The following CYFIP1 variants were observed in gnomAD, a reference collection of about 807,000 sequenced individuals.
The protein encoded by CYFIP1 is cytoplasmic FMR1-interacting protein 1.
In CYFIP1, 58 loss-of-function variants were observed where a neutral mutation model predicts 163.5. The ratio of observed to expected loss-of-function variants is 0.35; its 90% CI spans 0.29 to 0.44. The LOEUF (loss-of-function observed/expected upper bound fraction) is 0.44, where lower values mean the gene tolerates loss of function less well. Among genes scored for constraint, CYFIP1 ranks in the 20% least tolerant of loss-of-function variants. The pLI is 1.00. For missense variants in CYFIP1, 1,338 were observed against 1,653.8 expected (o/e 0.81, Z 3.31); for synonymous variants, 663 against 660.7 (o/e 1.00, Z -0.05).
Position 22,944,406 on chromosome 15 carries a change from T to C in CYFIP1, c.387+152A>G, listed in dbSNP as rs987086851. ...CGAAAGGGCATGAGGAACTTTAGACTGTCAAAGGCTTGGTCCCTTTTGTCT... is the reference window on the plus strand; with the variant it reads ...CGAAAGGGCATGAGGAACTTTAGACCGTCAAAGGCTTGGTCCCTTTTGTCT... On this transcript the variant is annotated intron_variant, in intron 5 of 30. Coordinates refer to ENST00000617928, the MANE Select transcript of CYFIP1 (RefSeq NM_014608.6). 4.9e-5 allele frequency: 30 copies of C among 608,302 alleles called. No individual in the cohort carries two copies. In the Admixed American group the frequency reaches 8.8e-4, roughly 18 times the overall value. 37.7% of individuals were successfully genotyped at this position (608,302 alleles called of 1,614,324 possible). A position where few individuals can be genotyped will look rare whatever the true frequency, so the allele number is the denominator to read the frequency against.
intron 23 of CYFIP1, among the ~76,000 whole-genome samples, chr15:22,886,097 AAG>A (rs765131886): frequency 6.6e-6 from 1 of 152,114 alleles, no homozygotes; most frequent in African/African-American, 2.4e-5. Context: ...CAGGAATGAG[AAG>A]AGAGAGCAAG....
intron 10 of CYFIP1, 52 bp from the exon 11 acceptor site, chr15:22,932,392 A>T: frequency 7.4e-7 from 1 of 1,356,964 alleles, no homozygotes; most frequent in Non-Finnish European, 1.0e-6. Flanking sequence ...GGCAGGCCAC[A>T]GCACTGGGGC....
In CYFIP1 at chr15:22,928,018, C is replaced by G. The variant is rs1465314623; in HGVS notation, c.1121G>C (p.Gly374Ala). The change falls in exon 12 of 31, where the codon GGC becomes GCC. Residue 374 changes from glycine to alanine, a missense_variant. Coordinates refer to ENST00000617928, the MANE Select transcript of CYFIP1 (RefSeq NM_014608.6). The part of the protein sequence containing the change: ...ARYSNSEVVT[G>A]SGRQEAQKTD... ...CTTCTGGGCCTCCTGGCGGCCCGAG[C>G]CCGTGACCACCTGCACAAGGCGGGC... 7 of 1,562,432 alleles carry G rather than the reference C, an allele frequency of 4.5e-6. No homozygotes were observed. The highest frequency in any genetic ancestry group is 6.0e-6 in the Non-Finnish European group (7 of 1,158,688).
At chr15:22,932,180 G>T in intron 11 of CYFIP1, 43 bp downstream of exon 11, 1 of 1,459,140 alleles carries the variant, frequency 6.9e-7, no homozygotes, top group Non-Finnish European at 9.4e-7. Flanking sequence ...ACACACACAG[G>T]CGACCCTCGG....
chr15:22,948,809 A>AG (rs1491137442), intron 1 of CYFIP1, among the ~76,000 whole-genome samples: 2 of 6,558 alleles, frequency 3.0e-4, no homozygotes, highest in East Asian at 0.02. Flanking sequence ...ACTGAAATGT[A>AG]AAAAAAAAAA....
chr15:22,895,037 CAG>C (rs1360867964), intron 22 of CYFIP1, among the ~76,000 whole-genome samples: 4 of 145,724 alleles, frequency 2.7e-5, no homozygotes, highest in African/African-American at 7.6e-5. Context: ...TTTTTTTAGA[CAG>C]AGTCTTGCTC....
chr15:22,888,774 G>A (rs958551928), intron 23 of CYFIP1, among the ~76,000 whole-genome samples: 2 of 151,994 alleles, frequency 1.3e-5, no homozygotes, highest in African/African-American at 4.8e-5. Flanking sequence ...AGGCACAGTG[G>A]CTCACGCCTT....
intron 1 of CYFIP1, among the ~76,000 whole-genome samples, chr15:22,970,450 T>G (rs1216423648): frequency 6.6e-6 from 1 of 152,164 alleles, no homozygotes; most frequent in Non-Finnish European, 1.5e-5. Flanking sequence ...CATTTTAAAA[T>G]TCATAGGAAT....
intron 17 of CYFIP1, among the ~76,000 whole-genome samples, chr15:22,913,595 T>C (rs1190820116): frequency 2.4e-5 from 1 of 41,446 alleles, no homozygotes; most frequent in Non-Finnish European, 4.8e-5. Flanking sequence ...CGGAAGTACA[T>C]AGACAGCATT....
intron 22 of CYFIP1, among the ~76,000 whole-genome samples, chr15:22,897,441 G>A (rs1368165846): frequency 6.6e-6 from 1 of 151,718 alleles, no homozygotes; most frequent in Non-Finnish European, 1.5e-5. Context: ...CAGTACCTCT[G>A]GCACCTCTAG....
At chr15:22,961,821 G>C (rs1299164617) in intron 1 of CYFIP1, among the ~76,000 whole-genome samples, 2 of 152,164 alleles carry the variant, frequency 1.3e-5, no homozygotes, top group African/African-American at 4.8e-5. Context: ...AAAGCTTTGT[G>C]AGAATTGCTA....
At chr15:22,968,432 T>C (rs7164295) in intron 1 of CYFIP1, among the ~76,000 whole-genome samples, 79,239 of 152,038 alleles carry the variant, frequency 0.52, 21,239 homozygotes, top group African/African-American at 0.63. Flanking sequence ...AATCTTGCCT[T>C]CAGGCTGCCT....
At chr15:22,951,903 A>T (rs2062262660) in intron 1 of CYFIP1, among the ~76,000 whole-genome samples, 1 of 148,872 alleles carries the variant, frequency 6.7e-6, no homozygotes, top group African/African-American at 2.5e-5. Context: ...CCAGATGCGC[A>T]GCTTGTTGAA....
intron 1 of CYFIP1, among the ~76,000 whole-genome samples, chr15:22,966,056 C>A (rs896420866): frequency 6.6e-6 from 1 of 151,888 alleles, no homozygotes; most frequent in Admixed American, 6.6e-5. Context: ...CCTTATAAGA[C>A]AAGGAGATTA....
At chr15:22,941,127 C>A (rs1298245819) in intron 6 of CYFIP1, among the ~76,000 whole-genome samples, 2 of 152,194 alleles carry the variant, frequency 1.3e-5, no homozygotes, top group Non-Finnish European at 2.9e-5. Context: ...ACAATCACAG[C>A]TCACTGCAGC....
chr15:22,910,780 G>C lies in CYFIP1; in HGVS notation c.2116C>G (p.Leu706Val). The C allele has an allele frequency of 1.9e-6, 3 of 1,614,008 alleles. No individual in the cohort carries two copies. The South Asian group carries it at 3.3e-5, about 18-fold the overall frequency. Residue 706 changes from leucine to valine, a missense_variant, in exon 19 of 31, where the codon CTA becomes GTA. Physicochemically the swap from Leu to Val is conservative, Grantham distance 32. This residue lies in a region of CYFIP1 where 824 missense variants were observed against 995.7 expected (regional missense o/e 0.83). Coordinates refer to ENST00000617928, the MANE Select transcript of CYFIP1 (RefSeq NM_014608.6). ...NLCFDQFVYKLADQIFAYYKV... is the reference protein window; with the variant it reads ...NLCFDQFVYKVADQIFAYYKV... ...TAATAGGCAAATATCTGGTCTGCTA[G>C]CTTGTAAACAAATTGGTCAAAACAT...
chr15:22,905,269 T>C (rs967917877), intron 21 of CYFIP1: 4 of 152,186 alleles, frequency 2.6e-5, no homozygotes, highest in East Asian at 1.9e-4. Context: ...TGTATGCTTT[T>C]AATAGACACT....
chr15:22,937,615 T>TTTG (rs2061755628), intron 8 of CYFIP1, among the ~76,000 whole-genome samples: 2 of 151,464 alleles, frequency 1.3e-5, no homozygotes, highest in Non-Finnish European at 3.0e-5. Flanking sequence ...TTTTTTTTTT[T>TTTG]TGAGATGGAG....
chr15:22,885,019 G>T (rs1026270118), intron 23 of CYFIP1, among the ~76,000 whole-genome samples: 5 of 151,976 alleles, frequency 3.3e-5, no homozygotes, highest in African/African-American at 1.2e-4. Flanking sequence ...CAGGCCCTGG[G>T]CCCAGCCAAG....
Sources: gnomAD v4.1 joint callset for allele counts (sites outside exome capture counted in the v4.1 genomes callset) on GRCh38, gnomAD v4.1.1 for gene constraint, gnomAD v4.1.1 regional missense constraint, MANE v1.5 for transcripts, NCBI Gene and HGNC (gene_info 2026-07-23, HGNC 2026-07-21) for gene names.